Variants in ZGRF1 observed in about 807,000 individuals in gnomAD.
The protein encoded by ZGRF1 is 5'-3' DNA helicase ZGRF1.
Under a neutral mutation model 203.5 loss-of-function variants are expected in ZGRF1, and 196 were observed. That is an observed-to-expected ratio of 0.96 (90% CI 0.86 to 1.08). ZGRF1 has a LOEUF of 1.08. ZGRF1 is among the 50% of genes least tolerant of loss of function. The pLI, the probability that ZGRF1 is intolerant of heterozygous loss-of-function variation, is 0.00. For missense variants in ZGRF1, 2,326 were observed against 2,416.3 expected (o/e 0.96, Z 0.78); for synonymous variants, 809 against 841.3 (o/e 0.96, Z 0.66).
chr4:112,582,636 G>A (rs1311257099), intron 15 of ZGRF1, among the ~76,000 whole-genome samples: 1 of 151,768 alleles, frequency 6.6e-6, no homozygotes, highest in African/African-American at 2.4e-5. Flanking sequence ...GTAGAGACGA[G>A]GTTTCATGAG....
intron 9 of ZGRF1, 55 bp from the exon 10 acceptor site, chr4:112,603,752 T>G (rs1032923010): frequency 7.4e-7 from 1 of 1,348,596 alleles, no homozygotes; most frequent in South Asian, 1.3e-5. Flanking sequence ...GACATATATA[T>G]TCACAAAGTA....
At chr4:112,636,011 T>G (rs2047610597) in intron 1 of ZGRF1, among the ~76,000 whole-genome samples, 1 of 151,660 alleles carries the variant, frequency 6.6e-6, no homozygotes, top group Admixed American at 6.6e-5. Context: ...TTAGAAGAGC[T>G]CTAATACTTA....
At chr4:112,598,632 TA>T (rs1749432155) in intron 10 of ZGRF1, among the ~76,000 whole-genome samples, 1 of 151,984 alleles carries the variant, frequency 6.6e-6, no homozygotes. Context: ...GTGCTTTTAT[TA>T]ATTAATAATA....
At chr4:112,556,664 G>A (rs1740996071) in intron 20 of ZGRF1, among the ~76,000 whole-genome samples, 1 of 152,118 alleles carries the variant, frequency 6.6e-6, no homozygotes, top group African/African-American at 2.4e-5. Flanking sequence ...AAAGTGCTGG[G>A]AATACAGGCA....
At chr4:112,616,835 TA>T (rs34222388) in intron 6 of ZGRF1, among the ~76,000 whole-genome samples, 91,831 of 145,438 alleles carry the variant, frequency 0.63, 29,148 homozygotes, top group East Asian at 0.91. Flanking sequence ...GAAACTGTCT[TA>T]AAAAAAAAAA....
In ZGRF1 at chr4:112,620,147, G is replaced by C; in HGVS notation, c.206C>G (p.Thr69Arg). Residue 69 changes from threonine (T) to arginine (R), a missense_variant, in exon 5 of 28, where the codon ACA becomes AGA. Transcript: ENST00000505019. Reference protein sequence around the residue: ...DDLESDRYLITVEEVKVAGAI... With the variant: ...DDLESDRYLIRVEEVKVAGAI... ...TCCAGCAACTTTAACCTCTTCAACTGTGATTAAGTATCGATCACTTTCTAA... is the reference window on the plus strand; with the variant it reads ...TCCAGCAACTTTAACCTCTTCAACTCTGATTAAGTATCGATCACTTTCTAA... 1 of 1,610,268 alleles carries C rather than the reference G, an allele frequency of 6.2e-7. No individual in the cohort carries two copies. The highest frequency in any genetic ancestry group is 1.1e-5 in the South Asian group (1 of 90,048).
In ZGRF1 at chr4:112,618,765, C is replaced by T; in HGVS notation, c.1277G>A (p.Gly426Asp). Reference protein sequence around the residue: ...QVTCSSAENDGILSESDIQED... With the variant: ...QVTCSSAENDDILSESDIQED... ...TTGAATGTCAGATTCTGATAATATA[C>T]CATCATTTTCTGCACTGCTACAAGT... The change falls in exon 6 of 28, where the codon GGT (glycine) becomes GAT (aspartate). Residue 426 changes from glycine (G) to aspartate (D), a missense_variant. Physicochemically the swap from Gly to Asp is moderately conservative, Grantham distance 94 (BLOSUM62 -1). Transcript: ENST00000505019. 6.2e-7 allele frequency: 1 copy of T among 1,611,044 alleles called. No individual in the cohort carries two copies. The highest frequency in any genetic ancestry group is 8.5e-7 in the Non-Finnish European group (1 of 1,178,990).
At chr4:112,634,690 G>A (rs1157455655) in intron 1 of ZGRF1, among the ~76,000 whole-genome samples, 1 of 151,910 alleles carries the variant, frequency 6.6e-6, no homozygotes, top group Non-Finnish European at 1.5e-5. Context: ...GCGGTGAAGT[G>A]CAAGAAAGTG....
intron 1 of ZGRF1, among the ~76,000 whole-genome samples, chr4:112,634,466 A>G (rs957105284): frequency 6.6e-6 from 1 of 152,052 alleles, no homozygotes; most frequent in African/African-American, 2.4e-5. Context: ...CCTGGCCAAC[A>G]TGGTGAAACC....
chr4:112,617,877 T>C lies in ZGRF1; in HGVS notation c.2165A>G (p.Lys722Arg). 6.2e-7 allele frequency: 1 copy of C among 1,614,036 alleles called. No homozygotes were observed. Among genetic ancestry groups the C allele is most frequent in the South Asian group, 1.1e-5 (1 of 91,070 alleles). The change falls in exon 6 of 28, where the codon AAA becomes AGA. Residue 722 changes from lysine to arginine, a missense_variant. By Grantham distance (26) the Lys-to-Arg change is conservative. Transcript: ENST00000505019. ...TGAGGGTAAAACATGTTCATCATTTTTGTCTAAGTCACTTCCCAAAATAAA... is the reference window on the plus strand; with the variant it reads ...TGAGGGTAAAACATGTTCATCATTTCTGTCTAAGTCACTTCCCAAAATAAA... ...QPFILGSDLD[K>R]NDEHVLPSTS...
chr4:112,550,845 T>C (rs1261993659), intron 22 of ZGRF1, among the ~76,000 whole-genome samples: 1 of 152,120 alleles, frequency 6.6e-6, no homozygotes, highest in African/African-American at 2.4e-5. Flanking sequence ...CAAGATTCTA[T>C]CTCAAAAAAA....
At chr4:112,565,475 T>C (rs2148912776) in intron 16 of ZGRF1, 1 of 681,926 alleles carries the variant, frequency 1.5e-6, no homozygotes, top group Admixed American at 2.7e-5. Context: ...TATTGGTAGT[T>C]CTGAACGTTA....
chr4:112,577,871 T>C (rs7693896), intron 16 of ZGRF1, among the ~76,000 whole-genome samples: 56,151 of 119,532 alleles, frequency 0.47, 21,358 homozygotes, highest in East Asian at 0.91. Flanking sequence ...GACAGATCAA[T>C]GAGACAGAAA....
chr4:112,565,626 C>T lies in ZGRF1; in HGVS notation c.4439-2352G>A, dbSNP rs1413470933. 3.3e-5 allele frequency among the ~76,000 whole-genome samples: 5 copies of T among 152,034 alleles called. No individual in the cohort carries two copies. In the South Asian group the frequency reaches 6.2e-4, roughly 19 times the overall value. Reference sequence around the variant, plus strand: ...ACAAAGGGCTAATATCCAGAATCTACGATGAACTCCAACAAATTTATAAGA... The same window carrying T: ...ACAAAGGGCTAATATCCAGAATCTATGATGAACTCCAACAAATTTATAAGA... On this transcript the variant is annotated intron_variant, in intron 16 of 27. Transcript: ENST00000505019.
chr4:112,634,626 G>A (rs1286924941), intron 1 of ZGRF1, among the ~76,000 whole-genome samples: 2 of 151,926 alleles, frequency 1.3e-5, no homozygotes, highest in South Asian at 2.1e-4. Flanking sequence ...ACTCCAGCCT[G>A]GGCGACAAGA....
In ZGRF1 at chr4:112,556,068, A is replaced by T. The variant is rs543503979; in HGVS notation, c.5121-1286T>A. On this transcript the variant is annotated intron_variant, in intron 20 of 27. Coordinates refer to ENST00000505019, the MANE Select transcript of ZGRF1 (RefSeq NM_018392.5). ...GGTAACTCCTCATTGTCTTTAATTT[A>T]AAAAAAAAACAAAAACAAAAAACAA... Among the ~76,000 whole-genome samples the T allele has an allele frequency of 6.7e-5, 10 of 149,024 alleles. No individual in the cohort carries two copies. In the East Asian group the frequency reaches 1.2e-3, roughly 17 times the overall value.
intron 16 of ZGRF1, among the ~76,000 whole-genome samples, chr4:112,567,577 G>A (rs987045558): frequency 1.3e-5 from 2 of 152,116 alleles, no homozygotes; most frequent in East Asian, 1.9e-4. Context: ...TTTGAGGCCA[G>A]CCTAGGCAAA....
chr4:112,547,171 T>G, intron 24 of ZGRF1, 114 bp downstream of exon 24: 1 of 1,063,022 alleles, frequency 9.4e-7, no homozygotes, highest in Non-Finnish European at 1.3e-6. Context: ...ACTCCAATTA[T>G]ACATTATTTT....
chr4:112,585,741 AAAG>A lies in ZGRF1; in HGVS notation c.3917-19_3917-17del. ...TTTAGATGTTCTACAAAAAAAAAAAAAAGAGAGCAGAAAATTAAATACAAAATA... is the reference window on the plus strand; with the variant it reads ...TTTAGATGTTCTACAAAAAAAAAAAAAGAGCAGAAAATTAAATACAAAATA... On this transcript the variant is annotated splice_polypyrimidine_tract_variant and intron_variant, in intron 13 of 27. Transcript: ENST00000505019. 1 of 1,532,822 alleles carries A rather than the reference AAAG, an allele frequency of 6.5e-7. No individual in the cohort carries two copies. Among genetic ancestry groups the A allele is most frequent in the Non-Finnish European group, 8.7e-7 (1 of 1,144,860 alleles). The allele number at this position is 1,532,822 out of a possible 1,614,324, so 95.0% of individuals were successfully genotyped here.
Sources: allele counts gnomAD v4.1 joint callset (sites outside exome capture counted in the v4.1 genomes callset), GRCh38; gene constraint gnomAD v4.1.1; transcripts MANE v1.5; gene names NCBI Gene and HGNC (gene_info 2026-07-23, HGNC 2026-07-21).